The following RABEP1 variants were observed in gnomAD, a reference collection of about 807,000 sequenced individuals.
RABEP1 encodes rabaptin, RAB GTPase binding effector protein 1, also known as rab GTPase-binding effector protein 1.
In RABEP1, 51 loss-of-function variants were observed where a neutral mutation model predicts 123.4. The ratio of observed to expected loss-of-function variants is 0.41; its 90% CI spans 0.33 to 0.52. RABEP1 has a LOEUF of 0.52. Ranked by LOEUF, RABEP1 falls within the 20% of genes least tolerant of loss-of-function variation. The pLI is 0.16. For synonymous variants in RABEP1, 347 were observed against 355.2 expected (o/e 0.98, Z 0.26); for missense variants, 888 against 996.3 (o/e 0.89, Z 1.46).
chr17:5,341,905 CTTTGG>C (rs1212604983), intron 5 of RABEP1, among the ~76,000 whole-genome samples: 2 of 152,154 alleles, frequency 1.3e-5, no homozygotes, highest in Non-Finnish European at 2.9e-5. Flanking sequence ...TTTATCAAAC[CTTTGG>C]CAAACATAGT....
At chr17:5,342,928 G>A (rs764646041) in intron 5 of RABEP1, among the ~76,000 whole-genome samples, 1 of 152,180 alleles carries the variant, frequency 6.6e-6, no homozygotes, top group African/African-American at 2.4e-5. Context: ...ATGACAGGTG[G>A]CATTACAAAT....
intron 13 of RABEP1, among the ~76,000 whole-genome samples, chr17:5,376,145 C>A (rs1030607937): frequency 1.3e-5 from 2 of 152,118 alleles, no homozygotes; most frequent in African/African-American, 4.8e-5. Flanking sequence ...CCTGCCTAGT[C>A]CTAGATCTTA....
In RABEP1 at chr17:5,295,523, A is replaced by G. The variant is rs1233573924; in HGVS notation, c.34+13003A>G. ...TCTATTTCAAAGGACACTGCGGCAA[A>G]CATCCTGATACATGTGTCTCTAAAT... On this transcript the variant is annotated intron_variant, in intron 1 of 17. Coordinates refer to ENST00000537505, the MANE Select transcript of RABEP1 (RefSeq NM_004703.6). Among the ~76,000 whole-genome samples, 6 of 151,464 alleles carry G rather than the reference A, an allele frequency of 4.0e-5. No homozygotes were observed. The East Asian group carries it at 1.2e-3, about 29-fold the overall frequency.
chr17:5,367,939 T>C (rs1910208081), intron 11 of RABEP1, among the ~76,000 whole-genome samples: 1 of 150,902 alleles, frequency 6.6e-6, no homozygotes, highest in Non-Finnish European at 1.5e-5. Flanking sequence ...TTACTTTTAG[T>C]AGAGATGGGG....
At chr17:5,282,685 G>A (rs1230284567) in intron 1 of RABEP1, among the ~76,000 whole-genome samples, 165 bp downstream of exon 1, 1 of 146,962 alleles carries the variant, frequency 6.8e-6, no homozygotes, top group Non-Finnish European at 1.5e-5. Flanking sequence ...CGAGGGCGGC[G>A]CGGGCGCCCC....
At position 5,373,077 on chromosome 17, in the gene RABEP1, C is replaced by T. The variant is rs545149923; in HGVS notation, c.1885-237C>T. On this transcript the variant is annotated intron_variant, in intron 12 of 17. Coordinates refer to ENST00000537505, the MANE Select transcript of RABEP1 (RefSeq NM_004703.6). ...CCAACCAAAAGATAGAATTTTTAAG[C>T]GGTTTGTAGAAACAGTGGAGAATGA... Among the ~76,000 whole-genome samples the T allele has an allele frequency of 1.2e-4, 19 of 152,122 alleles. No individual in the cohort carries two copies. In the East Asian group the frequency reaches 1.4e-3, roughly 11 times the overall value.
intron 11 of RABEP1, among the ~76,000 whole-genome samples, chr17:5,366,121 C>T (rs1310210244): frequency 6.6e-6 from 1 of 152,122 alleles, no homozygotes. Context: ...TATGAGAGTT[C>T]CTGTGGTTCC....
In RABEP1 at chr17:5,361,226, C is replaced by T. The variant is rs1292232689; in HGVS notation, c.1114C>T (p.Arg372Cys). Residue 372 changes from arginine (R) to cysteine (C), a missense_variant, in exon 9 of 18, where the codon CGT becomes TGT. By Grantham distance (180) the Arg-to-Cys change is radical (BLOSUM62 -3). Transcript: ENST00000537505. ...ATTTCAGGAGCATTTAGACAGCACCCGTGGCTCAGTTCATTCCTTAGATGC... is the reference window on the plus strand; with the variant it reads ...ATTTCAGGAGCATTTAGACAGCACCTGTGGCTCAGTTCATTCCTTAGATGC... ...SNEEEHLDST[R>C]GSVHSLDAGL... is the part of the protein sequence containing the mutation. 5 of 1,613,870 alleles carry T rather than the reference C, an allele frequency of 3.1e-6. No individual in the cohort carries two copies. Among genetic ancestry groups the T allele is most frequent in the Non-Finnish European group, 4.2e-6 (5 of 1,179,848 alleles).
intron 2 of RABEP1, among the ~76,000 whole-genome samples, chr17:5,324,172 A>G (rs1905732551): frequency 6.6e-6 from 1 of 152,112 alleles, no homozygotes; most frequent in South Asian, 2.1e-4. Context: ...ATCACACTAT[A>G]TAACATTAAA....
Position 5,331,946 on chromosome 17 carries a change from C to T in RABEP1, c.164-3C>T, listed in dbSNP as rs1220276681. The T allele has an allele frequency of 1.9e-6, 3 of 1,613,574 alleles. No homozygotes were observed. Among genetic ancestry groups the T allele is most frequent in the Non-Finnish European group, 2.5e-6 (3 of 1,179,684 alleles). On this transcript the variant is annotated splice_region_variant and splice_polypyrimidine_tract_variant and intron_variant, in intron 2 of 17. Transcript: ENST00000537505. ...ATGGACTATCTTTTACTTTTCTCTC[C>T]AGAGGATCTGAAGAGGCAAAATGCA... is the stretch of plus-strand genomic sequence containing the variant.
At chr17:5,357,785 C>T (rs1028521766) in intron 8 of RABEP1, among the ~76,000 whole-genome samples, 2 of 152,176 alleles carry the variant, frequency 1.3e-5, no homozygotes, top group African/African-American at 2.4e-5. Context: ...TACAGCACAC[C>T]TTGCATGGCC....
intron 2 of RABEP1, among the ~76,000 whole-genome samples, chr17:5,327,347 CA>C (rs772982752): frequency 0.057 from 4,259 of 75,176 alleles, 54 homozygotes; most frequent in Middle Eastern, 0.13. Context: ...GATTCTGTCT[CA>C]AAAAAAAAAA....
At chr17:5,298,047 A>C (rs1409517032) in intron 1 of RABEP1, among the ~76,000 whole-genome samples, 1 of 152,214 alleles carries the variant, frequency 6.6e-6, no homozygotes, top group East Asian at 1.9e-4. Flanking sequence ...ACATGTAGGC[A>C]GATAGCTATT....
At chr17:5,362,764 C>G in intron 9 of RABEP1, 148 bp from the exon 10 acceptor site, 1 of 603,716 alleles carries the variant, frequency 1.7e-6, no homozygotes, top group Middle Eastern at 4.3e-4. Flanking sequence ...GAATCTGACC[C>G]TATATTGTAA....
chr17:5,354,414 T>C lies in RABEP1; in HGVS notation c.1019T>C (p.Val340Ala), dbSNP rs1908835847. The C allele has an allele frequency of 6.2e-7, 1 of 1,613,092 alleles. No individual in the cohort carries two copies. Among genetic ancestry groups the C allele is most frequent in the Non-Finnish European group, 8.5e-7 (1 of 1,179,496 alleles). Residue 340 changes from valine to alanine, a missense_variant, in exon 8 of 18, where the codon GTT becomes GCT. Transcript: ENST00000537505. ...AGAAAGGATCACAAAAAAGCAGATG[T>C]TGAGGAAGAAATAAAAATACCAGTA... The part of the protein sequence containing the change: ...NKRKDHKKAD[V>A]EEEIKIPVVC...
intron 5 of RABEP1, among the ~76,000 whole-genome samples, chr17:5,340,999 A>C (rs527265978): frequency 7.9e-5 from 12 of 151,666 alleles, no homozygotes; most frequent in South Asian, 4.2e-4. Context: ...TAATATAAAC[A>C]TAGGAATTTG....
At position 5,382,357 on chromosome 17, in the gene RABEP1, C is replaced by T. The variant is rs543949022; in HGVS notation, c.2488-765C>T. ...TCAGCCTCCCAAATTGCTGGGATTACAGGCGTGAGCCACCGTGCCCGGACT... is the reference window on the plus strand; with the variant it reads ...TCAGCCTCCCAAATTGCTGGGATTATAGGCGTGAGCCACCGTGCCCGGACT... On this transcript the variant is annotated intron_variant, in intron 17 of 17. Coordinates refer to ENST00000537505, the MANE Select transcript of RABEP1 (RefSeq NM_004703.6). Among the ~76,000 whole-genome samples the T allele has an allele frequency of 9.2e-5, 14 of 151,496 alleles. No individual in the cohort carries two copies. In the East Asian group the frequency reaches 2.6e-3, roughly 28 times the overall value.
At position 5,337,972 on chromosome 17, in the gene RABEP1, A is replaced by G. The variant is rs749183985; in HGVS notation, c.529-47A>G. ...ATGGAAGGGTTAGAGTTTCTTAGAA[A>G]AGCAGTAAATGAATAAGTCGTAGCA... On this transcript the variant is annotated intron_variant, in intron 4 of 17. Transcript: ENST00000537505. The G allele has an allele frequency of 2.6e-6, 4 of 1,551,732 alleles. No homozygotes were observed. The South Asian group carries it at 5.0e-5, about 19-fold the overall frequency.
Position 5,361,796 on chromosome 17 carries a change from A to C in RABEP1, c.1563+121A>C. On this transcript the variant is annotated intron_variant, in intron 9 of 17. Transcript: ENST00000537505. ...TCAGTGCAGGCACATGTTGCCAGCA[A>C]GTGGATATTAACGTGTGTCACCTGA... 5.0e-6 allele frequency: 4 copies of C among 801,166 alleles called. No individual in the cohort carries two copies. The East Asian group carries it at 1.1e-4, about 21-fold the overall frequency. The allele number at this position is 801,166 out of a possible 1,614,324, so 49.6% of individuals were successfully genotyped here.
Sources: allele counts gnomAD v4.1 joint callset (sites outside exome capture counted in the v4.1 genomes callset), GRCh38; gene constraint gnomAD v4.1.1; transcripts MANE v1.5; gene names NCBI Gene and HGNC (gene_info 2026-07-23, HGNC 2026-07-21).